GNAT3: variants seen among roughly 807,000 people sequenced by gnomAD.
GNAT3 encodes the protein G protein subunit alpha transducin 3.
Under a neutral mutation model 37.7 loss-of-function variants are expected in GNAT3, and 31 were observed. The observed-to-expected ratio is 0.82, with a 90% CI of 0.62 to 1.11. GNAT3 has a LOEUF of 1.11. Ranked by LOEUF, GNAT3 falls within the 50% of genes most tolerant of loss-of-function variation. GNAT3 has a pLI of 0.00. For missense variants in GNAT3, 437 were observed against 412.5 expected (o/e 1.06, Z -0.51); for synonymous variants, 138 against 139.8 (o/e 0.99, Z 0.09).
chr7:80,467,648 C>G (rs1301307985), intron 5 of GNAT3, among the ~76,000 whole-genome samples: 1 of 151,986 alleles, frequency 6.6e-6, no homozygotes, highest in Non-Finnish European at 1.5e-5. Flanking sequence ...GAAGTAATTG[C>G]TTATATTTTT....
intron 5 of GNAT3, among the ~76,000 whole-genome samples, 164 bp from the exon 6 acceptor site, chr7:80,462,795 C>T (rs1790073525): frequency 6.6e-6 from 1 of 152,064 alleles, no homozygotes. Context: ...AATGGCTGCT[C>T]AAGGACTACA....
chr7:80,508,437 A>C (rs1254541549), intron 1 of GNAT3, among the ~76,000 whole-genome samples: 2 of 152,096 alleles, frequency 1.3e-5, no homozygotes, highest in Non-Finnish European at 2.9e-5. Context: ...TGAAACGTTT[A>C]TAAAACTTTA....
chr7:80,492,623 C>T (rs1480995939), intron 2 of GNAT3, among the ~76,000 whole-genome samples: 2 of 151,520 alleles, frequency 1.3e-5, no homozygotes, highest in Non-Finnish European at 2.9e-5. Context: ...GCCTTTTATA[C>T]AGGCTTTTAT....
intron 3 of GNAT3, among the ~76,000 whole-genome samples, chr7:80,486,217 G>A (rs536040679): frequency 7.5e-4 from 114 of 152,198 alleles, no homozygotes; most frequent in African/African-American, 2.5e-3. Context: ...GAACTATGTC[G>A]TGCCTGACAA....
intron 3 of GNAT3, 139 bp from the exon 4 acceptor site, chr7:80,479,137 T>G: frequency 1.5e-6 from 1 of 650,188 alleles, no homozygotes; most frequent in Non-Finnish European, 2.5e-6. Flanking sequence ...TTGAACTATA[T>G]TGAGGTAAAT....
At chr7:80,489,766 A>C (rs1412798880) in intron 2 of GNAT3, among the ~76,000 whole-genome samples, 1 of 152,154 alleles carries the variant, frequency 6.6e-6, no homozygotes, top group African/African-American at 2.4e-5. Context: ...TGTAGAAAAA[A>C]ATGCAGTAAA....
chr7:80,493,028 C>CT (rs1790622958), intron 2 of GNAT3, among the ~76,000 whole-genome samples: 2 of 151,684 alleles, frequency 1.3e-5, no homozygotes, highest in Admixed American at 1.3e-4. Context: ...ATCTATGGGC[C>CT]TTTATATACT....
intron 1 of GNAT3, among the ~76,000 whole-genome samples, chr7:80,498,179 A>G (rs1352232114): frequency 6.6e-6 from 1 of 152,104 alleles, no homozygotes; most frequent in Non-Finnish European, 1.5e-5. Context: ...CTTCATAAAT[A>G]TGGCCATTTG....
intron 5 of GNAT3, among the ~76,000 whole-genome samples, chr7:80,466,361 A>G (rs557303024): frequency 6.6e-6 from 1 of 152,054 alleles, no homozygotes; most frequent in East Asian, 1.9e-4. Context: ...TGATATTTGT[A>G]TTCTTTTAGT....
intron 5 of GNAT3, among the ~76,000 whole-genome samples, chr7:80,471,540 T>C (rs1030840183): frequency 1.3e-5 from 2 of 152,052 alleles, no homozygotes; most frequent in African/African-American, 2.4e-5. Flanking sequence ...CACTGACTTA[T>C]AAAGGACCAC....
chr7:80,511,610 A>C (rs1791065710), intron 1 of GNAT3, among the ~76,000 whole-genome samples, 199 bp downstream of exon 1: 1 of 152,050 alleles, frequency 6.6e-6, no homozygotes, highest in Non-Finnish European at 1.5e-5. Flanking sequence ...CTTGCTTAAC[A>C]AAAAGGTAAT....
chr7:80,486,724 C>A (rs1718792250), intron 3 of GNAT3: 1 of 149,054 alleles, frequency 6.7e-6, no homozygotes, highest in Non-Finnish European at 1.5e-5. Context: ...ATCCTCTTGC[C>A]TCAGCCTCCC....
Position 80,511,886 on chromosome 7 carries a change from T to C in GNAT3, c.41A>G (p.Lys14Arg), listed in dbSNP as rs1427012158. ...CTTTTTCTCCAGTTCTTTTGATCTT[T>C]TGGCTGACTCCTTGCTCTCTGAACT... is the stretch of plus-strand genomic sequence containing the variant. ...GISSESKESA[K>R]RSKELEKKLQ... Residue 14 changes from lysine (K) to arginine (R), a missense_variant, in exon 1 of 8, where the codon AAA becomes AGA. Physicochemically the swap from Lys to Arg is conservative, Grantham distance 26. Transcript: ENST00000398291. The C allele has an allele frequency of 3.7e-6, 6 of 1,612,350 alleles. No homozygotes were observed. Among genetic ancestry groups the C allele is most frequent in the Non-Finnish European group, 5.1e-6 (6 of 1,178,972 alleles).
intron 3 of GNAT3, among the ~76,000 whole-genome samples, chr7:80,483,912 C>T (rs535444165): frequency 6.6e-6 from 1 of 152,200 alleles, no homozygotes; most frequent in East Asian, 1.9e-4. Context: ...TTGGGAATTA[C>T]AGTGGGCCTG....
intron 1 of GNAT3, among the ~76,000 whole-genome samples, chr7:80,507,980 G>C (rs1790981605): frequency 6.6e-6 from 1 of 151,798 alleles, no homozygotes; most frequent in South Asian, 2.1e-4. Flanking sequence ...GTTTAAAACA[G>C]TAAAACTCAG....
intron 1 of GNAT3, among the ~76,000 whole-genome samples, chr7:80,501,024 G>C (rs1790823508): frequency 6.6e-6 from 1 of 152,100 alleles, no homozygotes; most frequent in South Asian, 2.1e-4. Flanking sequence ...TGTTGTCAAA[G>C]TTGTCAAATA....
At chr7:80,510,487 A>ATGCT (rs1445180124) in intron 1 of GNAT3, among the ~76,000 whole-genome samples, 16 of 152,202 alleles carry the variant, frequency 1.1e-4, no homozygotes, top group Admixed American at 1.3e-4. Flanking sequence ...ATTTGTAAGA[A>ATGCT]TGCTTGTCTT....
At chr7:80,501,562 T>A (rs1307624339) in intron 1 of GNAT3, among the ~76,000 whole-genome samples, 3 of 152,030 alleles carry the variant, frequency 2.0e-5, no homozygotes, top group Admixed American at 6.6e-5. Flanking sequence ...TTCCCATACC[T>A]TTTTTGTTTC....
intron 5 of GNAT3, among the ~76,000 whole-genome samples, chr7:80,472,475 A>G (rs181152043): frequency 4.2e-4 from 64 of 152,296 alleles, no homozygotes; most frequent in African/African-American, 1.5e-3. Context: ...ACTTAATCAT[A>G]AGAAGGAGAT....
Sources: allele counts gnomAD v4.1 joint callset (sites outside exome capture counted in the v4.1 genomes callset), GRCh38; gene constraint gnomAD v4.1.1; transcripts MANE v1.5; gene names NCBI Gene and HGNC (gene_info 2026-07-23, HGNC 2026-07-21).